PDCL2: variants seen among roughly 807,000 people sequenced by gnomAD.
PDCL2 encodes phosducin-like protein 2.
PDCL2 carries 23 observed loss-of-function variants against 30.3 expected under a neutral mutation model. That is an observed-to-expected ratio of 0.76 (90% CI 0.55 to 1.08). PDCL2 has a LOEUF of 1.08. Among genes scored for constraint, PDCL2 ranks in the 50% least tolerant of loss-of-function variants. The pLI is 0.00. For missense variants in PDCL2, 243 were observed against 282.3 expected (o/e 0.86, Z 1.00); for synonymous variants, 68 against 86.2 (o/e 0.79, Z 1.17).
chr4:55,561,614 A>AT (rs1732139210), intron 5 of PDCL2, among the ~76,000 whole-genome samples: 1 of 152,172 alleles, frequency 6.6e-6, no homozygotes, highest in Non-Finnish European at 1.5e-5. Flanking sequence ...ACAGCCACTC[A>AT]TGATGACTTT....
chr4:55,588,017 T>C (rs890532116), intron 1 of PDCL2, among the ~76,000 whole-genome samples: 2 of 152,230 alleles, frequency 1.3e-5, no homozygotes, highest in Admixed American at 6.5e-5. Context: ...ATGTTTCCTT[T>C]TAAGAGATTT....
intron 5 of PDCL2, among the ~76,000 whole-genome samples, chr4:55,558,125 C>CA (rs34621105): frequency 0.34 from 41,685 of 121,736 alleles, 6,690 homozygotes; most frequent in Middle Eastern, 0.43. Context: ...GACTCCGTCT[C>CA]AAAAAAAAAA....
At chr4:55,583,576 T>C (rs1011545775) in intron 1 of PDCL2, among the ~76,000 whole-genome samples, 16 of 152,218 alleles carry the variant, frequency 1.1e-4, no homozygotes, top group Admixed American at 1.0e-3. Flanking sequence ...CTTTAATCCA[T>C]TTTTAGTTGA....
At chr4:55,563,646 G>A (rs1732189454) in intron 4 of PDCL2, among the ~76,000 whole-genome samples, 1 of 152,328 alleles carries the variant, frequency 6.6e-6, no homozygotes, top group African/African-American at 2.4e-5. Context: ...ATGTACATGA[G>A]AGAGGAAACA....
chr4:55,569,682 T>C (rs28445925), intron 4 of PDCL2, 36 bp downstream of exon 4: 477,777 of 1,417,058 alleles, frequency 0.34, 83,139 homozygotes, highest in Middle Eastern at 0.38. Context: ...TTTAAAATAG[T>C]AGTATATTAA....
intron 1 of PDCL2, 42 bp downstream of exon 1, chr4:55,592,062 C>G (rs34615660): frequency 0.011 from 17,354 of 1,606,090 alleles, 117 homozygotes; most frequent in Non-Finnish European, 0.013. Context: ...GCTGGAGACC[C>G]ACTGGGTGTT....
chr4:55,569,101 G>T (rs1732355168), intron 4 of PDCL2, among the ~76,000 whole-genome samples: 1 of 151,838 alleles, frequency 6.6e-6, no homozygotes, highest in Admixed American at 6.6e-5. Flanking sequence ...CTATGTGTAT[G>T]TGTAATGCAC....
intron 3 of PDCL2, among the ~76,000 whole-genome samples, chr4:55,571,170 G>A (rs767826394): frequency 1.3e-5 from 2 of 151,944 alleles, no homozygotes; most frequent in Non-Finnish European, 2.9e-5. Context: ...TGCTTACCCT[G>A]CCTTGCCATG....
intron 4 of PDCL2, among the ~76,000 whole-genome samples, chr4:55,564,252 T>C (rs190693057): frequency 3.3e-5 from 5 of 152,286 alleles, no homozygotes; most frequent in African/African-American, 1.2e-4. Flanking sequence ...GTAGTGTGAA[T>C]GGCAGAAGTC....
intron 4 of PDCL2, among the ~76,000 whole-genome samples, chr4:55,565,070 T>C (rs918857733): frequency 6.6e-6 from 1 of 152,180 alleles, no homozygotes; most frequent in African/African-American, 2.4e-5. Flanking sequence ...GCCTGAACTC[T>C]GCTATGATAC....
chr4:55,564,710 T>G (rs1341199135), intron 4 of PDCL2, among the ~76,000 whole-genome samples: 1 of 152,206 alleles, frequency 6.6e-6, no homozygotes, highest in Non-Finnish European at 1.5e-5. Context: ...CGATAAAAAG[T>G]GGGTCTAATC....
At chr4:55,569,343 A>C (rs757631500) in intron 4 of PDCL2, among the ~76,000 whole-genome samples, 10 of 152,180 alleles carry the variant, frequency 6.6e-5, no homozygotes, top group Non-Finnish European at 1.5e-4. Context: ...ACACACACAG[A>C]AACAGTTATA....
chr4:55,583,607 T>A (rs1477929275), intron 1 of PDCL2, among the ~76,000 whole-genome samples: 1 of 152,228 alleles, frequency 6.6e-6, no homozygotes, highest in Non-Finnish European at 1.5e-5. Context: ...TGGAGTGGGA[T>A]AAGGGTCCAA....
intron 4 of PDCL2, among the ~76,000 whole-genome samples, chr4:55,568,938 T>A (rs566797682): frequency 9.8e-5 from 15 of 152,332 alleles, no homozygotes; most frequent in Non-Finnish European, 1.6e-4. Flanking sequence ...GTTTCACCCA[T>A]GTATTTACCA....
chr4:55,556,792 C>G, intron 5 of PDCL2, 81 bp from the exon 6 acceptor site: 1 of 1,101,866 alleles, frequency 9.1e-7, no homozygotes, highest in Non-Finnish European at 1.2e-6. Flanking sequence ...AGAGTTGACT[C>G]TTAGTAATAT....
At chr4:55,559,665 G>A (rs1176273493) in intron 5 of PDCL2, among the ~76,000 whole-genome samples, 1 of 152,034 alleles carries the variant, frequency 6.6e-6, no homozygotes, top group East Asian at 1.9e-4. Flanking sequence ...TATATTCCCA[G>A]AAGAATTAAA....
At chr4:55,565,979 T>TG (rs1197544321) in intron 4 of PDCL2, among the ~76,000 whole-genome samples, 1 of 129,806 alleles carries the variant, frequency 7.7e-6, no homozygotes, top group Non-Finnish European at 1.6e-5. Context: ...TTCTGTTTTT[T>TG]TTTTTTTTTT....
Position 55,592,129 on chromosome 4 carries a change from CAA to C in PDCL2, c.-22_-21del. The C allele has an allele frequency of 6.2e-7, 1 of 1,608,978 alleles. No homozygotes were observed. The highest frequency in any genetic ancestry group is 1.1e-5 in the South Asian group (1 of 89,574). On this transcript the variant is annotated 5_prime_UTR_variant, in exon 1 of 6. Coordinates refer to ENST00000295645, the MANE Select transcript of PDCL2 (RefSeq NM_152401.3). Reference sequence around the variant, plus strand: ...CTGCATGATGCGCTGCTCTGCCCCTCAAGAGCCCGCGTCGTCCTGCAGCTGGC... The same window carrying C: ...CTGCATGATGCGCTGCTCTGCCCCTCGAGCCCGCGTCGTCCTGCAGCTGGC...
chr4:55,582,331 A>G, intron 1 of PDCL2, 94 bp from the exon 2 acceptor site: 1 of 1,339,684 alleles, frequency 7.5e-7, no homozygotes, highest in South Asian at 1.5e-5. Context: ...CCAAGTATTC[A>G]ATTGTTCATG....
Sources: allele counts gnomAD v4.1 joint callset (sites outside exome capture counted in the v4.1 genomes callset), GRCh38; gene constraint gnomAD v4.1.1; transcripts MANE v1.5; gene names NCBI Gene and HGNC (gene_info 2026-07-23, HGNC 2026-07-21).